The following ACCSL variants were observed in gnomAD, a reference collection of about 807,000 sequenced individuals.
ACCSL encodes 1-aminocyclopropane-1-carboxylate synthase homolog (inactive) like.
A neutral mutation model predicts 61.7 loss-of-function variants in ACCSL; 55 were observed. The observed-to-expected ratio is 0.89, with a 90% confidence interval of 0.72 to 1.12. The LOEUF (loss-of-function observed/expected upper bound fraction) is 1.12, where lower values mean the gene tolerates loss of function less well. Ranked by LOEUF, ACCSL falls within the 50% of genes most tolerant of loss-of-function variation. The pLI is 0.00. For missense variants in ACCSL, 632 were observed against 698.0 expected (o/e 0.91, Z 1.07); for synonymous variants, 258 against 264.3 (o/e 0.98, Z 0.23).
the ACCSL span, among the ~76,000 whole-genome samples, chr11:43,960,656 C>T: frequency 6.6e-6 from 1 of 151,992 alleles, no homozygotes; most frequent in East Asian, 1.9e-4. Context: ...AAGTGCTGGG[C>T]TTACAGGCAT....
the ACCSL span, among the ~76,000 whole-genome samples, chr11:44,035,704 G>A: frequency 2.0e-5 from 3 of 152,080 alleles, no homozygotes; most frequent in Admixed American, 6.5e-5. Context: ...TTGGGAGGGC[G>A]AGGCAGGCGG....
chr11:44,014,847 C>A, the ACCSL span, among the ~76,000 whole-genome samples: 2 of 152,150 alleles, frequency 1.3e-5, no homozygotes, highest in Non-Finnish European at 2.9e-5. Context: ...AAGGTATGGG[C>A]CTGGGCCTCT....
At chr11:44,007,311 C>T in the ACCSL span, among the ~76,000 whole-genome samples, 6 of 152,172 alleles carry the variant, frequency 3.9e-5, no homozygotes, top group Non-Finnish European at 5.9e-5. Context: ...CCCCCAGCTT[C>T]GGGCCCCCTT....
rs1489878925 is a variant in ACCSL, at chr11:44,047,995, G to A, written c.-42G>A. ...ATTGTCAATGGTCTCTTTCTCCATA[G>A]GTGCCAGGCAGCCTTCAGAGGCCAG... is the stretch of plus-strand genomic sequence containing the variant. On this transcript the variant is annotated 5_prime_UTR_variant, in exon 1 of 14. Transcript: ENST00000378832. 6.3e-7 allele frequency: 1 copy of A among 1,579,720 alleles called. No individual in the cohort carries two copies. The highest frequency in any genetic ancestry group is 1.2e-5 in the South Asian group (1 of 86,906).
chr11:43,943,969 T>A, the ACCSL span: 3 of 818,394 alleles, frequency 3.7e-6, no homozygotes, highest in Non-Finnish European at 5.0e-6. This position sits in a 1 kb window ranked among gnomAD's most constrained non-coding sequence, Gnocchi z 4.8. Context: ...CAGGGGGATG[T>A]CGGACCAGGG....
chr11:44,043,765 T>A (rs1952586126), upstream of ACCSL, among the ~76,000 whole-genome samples: 1 of 152,234 alleles, frequency 6.6e-6, no homozygotes, highest in Admixed American at 6.5e-5. Flanking sequence ...TTCAGCCTCT[T>A]CTTCCAGGTT....
the ACCSL span, among the ~76,000 whole-genome samples, chr11:43,985,116 C>T: frequency 3.3e-5 from 5 of 152,318 alleles, no homozygotes; most frequent in African/African-American, 1.2e-4. Context: ...CAGGTTCCCT[C>T]CTGGCTGCAC....
At chr11:43,938,416 T>G in the ACCSL span, among the ~76,000 whole-genome samples, 1 of 152,222 alleles carries the variant, frequency 6.6e-6, no homozygotes, top group Non-Finnish European at 1.5e-5. Context: ...GGCTTCATCT[T>G]TAGTCAGTTC....
the ACCSL span, among the ~76,000 whole-genome samples, chr11:44,042,937 G>T: frequency 6.6e-6 from 1 of 151,860 alleles, no homozygotes; most frequent in African/African-American, 2.4e-5. Flanking sequence ...AACAAAATTA[G>T]CTGGGCATGG....
chr11:44,013,237 G>A, the ACCSL span, among the ~76,000 whole-genome samples: 1 of 152,196 alleles, frequency 6.6e-6, no homozygotes, highest in Non-Finnish European at 1.5e-5. Flanking sequence ...GCTTATCTAT[G>A]CATAGGAAAC....
chr11:43,943,994 C>T, the ACCSL span: 1 of 609,570 alleles, frequency 1.6e-6, no homozygotes, highest in African/African-American at 1.9e-5. This position sits in a 1 kb window ranked among gnomAD's most constrained non-coding sequence, Gnocchi z 4.8. Context: ...GGGAGTGGAG[C>T]TACCTCCACA....
the ACCSL span, among the ~76,000 whole-genome samples, chr11:43,947,553 A>G: frequency 6.6e-6 from 1 of 152,148 alleles, no homozygotes; most frequent in African/African-American, 2.4e-5. Context: ...AAGAGAGAGC[A>G]AGAGTCAGAA....
the ACCSL span, among the ~76,000 whole-genome samples, chr11:43,987,365 G>A: frequency 1.1e-4 from 16 of 152,196 alleles, no homozygotes; most frequent in African/African-American, 3.9e-4. Context: ...GGACCAGATG[G>A]AGGAATTTCC....
the ACCSL span, among the ~76,000 whole-genome samples, chr11:44,032,516 C>T: frequency 6.6e-6 from 1 of 152,174 alleles, no homozygotes; most frequent in Non-Finnish European, 1.5e-5. Flanking sequence ...AAGTGCTCAG[C>T]ACAGTGTCTG....
the ACCSL span, among the ~76,000 whole-genome samples, chr11:43,984,180 C>G: frequency 6.6e-6 from 1 of 152,078 alleles, no homozygotes; most frequent in Non-Finnish European, 1.5e-5. Context: ...ATAAAATTCC[C>G]AGCCTTGTCT....
chr11:44,050,057 T>C lies in ACCSL; in HGVS notation c.505-5T>C. 3 of 1,614,172 alleles carry C rather than the reference T, an allele frequency of 1.9e-6. No homozygotes were observed. Among genetic ancestry groups the C allele is most frequent in the Non-Finnish European group, 2.5e-6 (3 of 1,180,026 alleles). On this transcript the variant is annotated splice_polypyrimidine_tract_variant and splice_region_variant and intron_variant, in intron 1 of 13. Coordinates refer to ENST00000378832, the MANE Select transcript of ACCSL (RefSeq NM_001031854.2). ...GACCTGATCTTGGATTCCTTCCATC[T>C]CCAGGGTTTCATTAACCTTGGCACC...
chr11:43,955,276 G>A, the ACCSL span, among the ~76,000 whole-genome samples: 18 of 152,204 alleles, frequency 1.2e-4, no homozygotes, highest in African/African-American at 4.3e-4. Context: ...TTCCATTTGT[G>A]CTCCTATAAC....
chr11:43,984,286 G>C, the ACCSL span, among the ~76,000 whole-genome samples: 1 of 151,978 alleles, frequency 6.6e-6, no homozygotes, highest in African/African-American at 2.4e-5. Flanking sequence ...ATCACCTTAG[G>C]TTGTAAGAAA....
chr11:43,922,818 C>T, the ACCSL span, among the ~76,000 whole-genome samples: 7 of 152,098 alleles, frequency 4.6e-5, no homozygotes, highest in Non-Finnish European at 1.5e-5. Flanking sequence ...CAATACTTAC[C>T]AACACCATTA....
Sources: allele counts gnomAD v4.1 joint callset (sites outside exome capture counted in the v4.1 genomes callset), GRCh38; gene constraint gnomAD v4.1.1; non-coding constraint Gnocchi (gnomAD v3.1); transcripts MANE v1.5; gene names NCBI Gene and HGNC (gene_info 2026-07-23, HGNC 2026-07-21).